The following RUNX1T1 variants were observed in gnomAD, a reference collection of about 807,000 sequenced individuals.
RUNX1T1 encodes RUNX1 partner transcriptional co-repressor 1, also known as protein CBFA2T1.
In RUNX1T1, 4 loss-of-function variants were observed where a neutral mutation model predicts 62.8. The observed-to-expected ratio is 0.06, with a 90% CI of 0.03 to 0.15. The LOEUF is 0.15. Ranked by LOEUF, RUNX1T1 falls within the 10% of genes least tolerant of loss-of-function variation. The pLI is 1.00. For synonymous variants in RUNX1T1, 291 were observed against 286.0 expected, an observed-to-expected ratio of 1.02 and a Z score of -0.18; for missense variants, 508 against 754.3, an observed-to-expected ratio of 0.67 and a Z score of 3.82.
At chr8:92,045,474 TTTC>T (rs1176531087) in intron 1 of RUNX1T1, among the ~76,000 whole-genome samples, 1 of 152,212 alleles carries the variant, frequency 6.6e-6, no homozygotes, top group African/African-American at 2.4e-5. Flanking sequence ...TTCTTCCTGC[TTTC>T]TTATTTCCAC....
chr8:92,020,149 G>C (rs1388414634), intron 1 of RUNX1T1, among the ~76,000 whole-genome samples: 1 of 152,156 alleles, frequency 6.6e-6, no homozygotes, highest in Non-Finnish European at 1.5e-5. Context: ...ATCCAGGATG[G>C]AGATAGATGG....
At chr8:92,063,855 G>A (rs924860569), upstream of RUNX1T1, among the ~76,000 whole-genome samples, 4 of 152,092 alleles carry the variant, frequency 2.6e-5, no homozygotes, top group Admixed American at 1.3e-4. Context: ...CCTTTCCATC[G>A]TATGCACAAT....
intron 5 of RUNX1T1, among the ~76,000 whole-genome samples, chr8:92,000,374 G>T (rs1323302254): frequency 1.3e-5 from 2 of 152,066 alleles, no homozygotes; most frequent in African/African-American, 2.4e-5. Flanking sequence ...CAATTGATGT[G>T]ATTAATATTT....
chr8:91,991,609 G>C, intron 6 of RUNX1T1, 30 bp downstream of exon 7: 1 of 1,596,190 alleles, frequency 6.3e-7, no homozygotes, highest in African/African-American at 1.3e-5. Context: ...ACCCAATCCC[G>C]TAAGAAGTGA....
At chr8:92,080,388 C>T (rs1430995483) in intron 1 of RUNX1T1, among the ~76,000 whole-genome samples, 1 of 152,174 alleles carries the variant, frequency 6.6e-6, no homozygotes, top group Non-Finnish European at 1.5e-5. Context: ...AAGCCCATTC[C>T]CACTGGTGCT....
chr8:92,078,018 T>C (rs1238451638), intron 1 of RUNX1T1, among the ~76,000 whole-genome samples: 6 of 152,072 alleles, frequency 3.9e-5, no homozygotes, highest in Non-Finnish European at 8.8e-5. Flanking sequence ...ATGAAGAAAA[T>C]TGGCAGGAAC....
chr8:91,959,506 A>ATATT (rs1490001392), exon 11 of RUNX1T1: 1 of 194,584 alleles, frequency 5.1e-6, no homozygotes, highest in Non-Finnish European at 1.1e-5. Flanking sequence ...ATATATATAT[A>ATATT]TATATATATG....
chr8:91,964,689 C>A (rs1048943135), intron 10 of RUNX1T1, among the ~76,000 whole-genome samples: 1 of 152,154 alleles, frequency 6.6e-6, no homozygotes, highest in Non-Finnish European at 1.5e-5. Flanking sequence ...TAAAAATATT[C>A]TTTCTAAAAT....
At chr8:92,096,940 C>T (rs1048155672) in intron 1 of RUNX1T1, among the ~76,000 whole-genome samples, 2 of 152,068 alleles carry the variant, frequency 1.3e-5, no homozygotes, top group Non-Finnish European at 2.9e-5. Context: ...GGCCAAAAAT[C>T]GGTTTTATGT....
intron 1 of RUNX1T1, among the ~76,000 whole-genome samples, chr8:92,088,887 A>T (rs1416174202): frequency 6.6e-6 from 1 of 152,182 alleles, no homozygotes; most frequent in Non-Finnish European, 1.5e-5. Context: ...ATAATATTCA[A>T]CCCAGTTAGT....
chr8:92,043,197 T>C (rs997336081), intron 1 of RUNX1T1, among the ~76,000 whole-genome samples: 4 of 152,068 alleles, frequency 2.6e-5, no homozygotes, highest in Non-Finnish European at 5.9e-5. Context: ...TTCTGCCCCC[T>C]CCAAAAAAAT....
chr8:91,958,240 A>G, downstream of RUNX1T1: 1 of 202,494 alleles, frequency 4.9e-6, no homozygotes, highest in Non-Finnish European at 1.0e-5. Context: ...CCTAAAGCAC[A>G]CAACCACATC....
intron 5 of RUNX1T1, among the ~76,000 whole-genome samples, chr8:91,995,850 G>A (rs1399998528): frequency 1.3e-5 from 2 of 152,090 alleles, no homozygotes; most frequent in Non-Finnish European, 2.9e-5. Context: ...AAGCTATGAA[G>A]GATCTCTCTG....
rs986256521 is a variant in RUNX1T1, at chr8:92,049,580, C to T, written c.7+12966G>A. ...TTACCCACACTACCTCCTCCACATT[C>T]CTTAAGCATTATTTGTTTTCCTGAA... On this transcript the variant is annotated intron_variant, in intron 1 of 10. Coordinates refer to ENST00000396218, the Ensembl canonical transcript of RUNX1T1. Among the ~76,000 whole-genome samples the T allele has an allele frequency of 3.3e-5, 5 of 152,272 alleles. No individual in the cohort carries two copies. In the South Asian group the frequency reaches 1.0e-3, roughly 32 times the overall value.
intron 1 of RUNX1T1, among the ~76,000 whole-genome samples, chr8:92,082,889 G>A (rs142686802): frequency 0.01 from 1,503 of 143,652 alleles, 17 homozygotes; most frequent in Middle Eastern, 0.035. Flanking sequence ...CAGAGGAAGA[G>A]AGGAGGGAGA....
intron 1 of RUNX1T1, among the ~76,000 whole-genome samples, chr8:92,083,670 C>A (rs1278431272): frequency 6.6e-6 from 1 of 152,164 alleles, no homozygotes; most frequent in Non-Finnish European, 1.5e-5. Flanking sequence ...ATTAGTTCAA[C>A]CATTGTGAAA....
chr8:91,962,757 G>A (rs1414807483), intron 10 of RUNX1T1, among the ~76,000 whole-genome samples: 1 of 152,176 alleles, frequency 6.6e-6, no homozygotes, highest in Non-Finnish European at 1.5e-5. Context: ...AATTACATCA[G>A]AATATTCCAA....
intron 1 of RUNX1T1, chr8:92,095,358 G>A: frequency 1.3e-6 from 2 of 1,535,168 alleles, no homozygotes; most frequent in Non-Finnish European, 1.7e-6. Context: ...TTCTGGCAAA[G>A]GAGCGCGGGA....
upstream of RUNX1T1, among the ~76,000 whole-genome samples, chr8:92,101,836 TCCC>T (rs1232464226): frequency 2.0e-5 from 3 of 151,680 alleles, no homozygotes; most frequent in Non-Finnish European, 4.4e-5. Context: ...CAGCGCCAGG[TCCC>T]CCCCGGGAAA....
Sources: allele counts gnomAD v4.1 joint callset (sites outside exome capture counted in the v4.1 genomes callset), GRCh38; gene constraint gnomAD v4.1.1; transcripts MANE v1.5; gene names NCBI Gene and HGNC (gene_info 2026-07-23, HGNC 2026-07-21).